Variants in MTUS1 observed in about 807,000 individuals in gnomAD.
MTUS1 encodes microtubule associated scaffold protein 1, also known as microtubule-associated tumor suppressor 1.
A neutral mutation model predicts 120.8 loss-of-function variants in MTUS1; 109 were observed. The ratio of observed to expected loss-of-function variants is 0.90; its 90% CI spans 0.77 to 1.06. The LOEUF (loss-of-function observed/expected upper bound fraction) is 1.06, where lower values mean the gene tolerates loss of function less well. Among genes scored for constraint, MTUS1 ranks in the 50% least tolerant of loss-of-function variants. MTUS1 has a pLI of 0.00. For missense variants in MTUS1, 2,210 were observed against 1,486.3 expected, an observed-to-expected ratio of 1.49 and a Z score of -8.01; for synonymous variants, 737 against 550.5, an observed-to-expected ratio of 1.34 and a Z score of -4.74.
At chr8:17,782,884 C>G (rs1015621469) in intron 1 of MTUS1, among the ~76,000 whole-genome samples, 1 of 152,162 alleles carries the variant, frequency 6.6e-6, no homozygotes, top group Non-Finnish European at 1.5e-5. Flanking sequence ...TCGGGACCAG[C>G]CTGGCCAACA....
rs1368084919 is a variant in MTUS1 at position 17,684,502 on chromosome 8, G to A, written c.2664C>T (p.Ile888=). Residue 888 remains isoleucine (I), a synonymous_variant, in exon 7 of 15, where the codon ATC becomes ATT. Coordinates refer to ENST00000693296, the MANE Select transcript of MTUS1 (RefSeq NM_001363059.2). ...GCGCATCGGGAGCTGTCTGTGGCTG[G>A]ATACATAAGCTTCGAGGATTCTTTT... ...SRQKNPRSLC[I]QPQTAPDALP... 2.5e-6 allele frequency: 4 copies of A among 1,614,132 alleles called. No individual in the cohort carries two copies. The highest frequency in any genetic ancestry group is 3.4e-6 in the Non-Finnish European group (4 of 1,180,024).
Position 17,755,832 on chromosome 8 carries a change from G to A in MTUS1, c.-25C>T. On this transcript the variant is annotated 5_prime_UTR_variant, in exon 2 of 15. Transcript: ENST00000693296. ...TCCTGAATAGTAACCTTAAACCTCT[G>A]CCATTTTATTTCTTCTTCAATTCCT... is the stretch of plus-strand genomic sequence containing the variant. The A allele has an allele frequency of 6.3e-7, 1 of 1,579,614 alleles. No homozygotes were observed. Among genetic ancestry groups the A allele is most frequent in the South Asian group, 1.2e-5 (1 of 85,156 alleles).
chr8:17,657,540 C>T (rs1808647216), intron 8 of MTUS1, among the ~76,000 whole-genome samples: 1 of 150,744 alleles, frequency 6.6e-6, no homozygotes, highest in Non-Finnish European at 1.5e-5. Context: ...TGCACTCCAG[C>T]CTGGGCGACA....
intron 1 of MTUS1, among the ~76,000 whole-genome samples, chr8:17,784,163 C>T (rs756326177): frequency 3.3e-5 from 5 of 152,078 alleles, no homozygotes; most frequent in Non-Finnish European, 7.3e-5. Flanking sequence ...ATAGCTTAGC[C>T]GTTATAGGCA....
At chr8:17,656,505 G>A (rs1017549272) in intron 8 of MTUS1, among the ~76,000 whole-genome samples, 1 of 151,058 alleles carries the variant, frequency 6.6e-6, no homozygotes, top group African/African-American at 2.4e-5. Flanking sequence ...TATAGCCGGG[G>A]TGACAGACTG....
At chr8:17,772,038 C>T (rs1469507833) in intron 1 of MTUS1, among the ~76,000 whole-genome samples, 1 of 152,174 alleles carries the variant, frequency 6.6e-6, no homozygotes, top group Non-Finnish European at 1.5e-5. Context: ...TTTAAGATGA[C>T]ACAATGATTT....
chr8:17,746,977 G>A (rs2047803160), intron 2 of MTUS1, among the ~76,000 whole-genome samples: 1 of 152,116 alleles, frequency 6.6e-6, no homozygotes, highest in African/African-American at 2.4e-5. Context: ...TTTTCCATCT[G>A]CTGTCATTTC....
intron 1 of MTUS1, among the ~76,000 whole-genome samples, chr8:17,787,652 A>G (rs758048581): frequency 6.6e-6 from 1 of 152,238 alleles, no homozygotes; most frequent in Non-Finnish European, 1.5e-5. Flanking sequence ...TCATGGACAA[A>G]AACTGATTCA....
chr8:17,731,587 T>A (rs1430404203), intron 3 of MTUS1, among the ~76,000 whole-genome samples: 1 of 152,040 alleles, frequency 6.6e-6, no homozygotes, highest in East Asian at 1.9e-4. Context: ...GACCGTCTTA[T>A]TATGCATAAA....
chr8:17,719,070 T>C (rs1204286960), intron 4 of MTUS1, among the ~76,000 whole-genome samples: 2 of 152,000 alleles, frequency 1.3e-5, no homozygotes, highest in Non-Finnish European at 2.9e-5. Context: ...CTCAGGAGGC[T>C]GAGGTGGGAG....
At chr8:17,676,108 A>C in intron 7 of MTUS1, 1 of 602,184 alleles carries the variant, frequency 1.7e-6, no homozygotes, top group Non-Finnish European at 3.0e-6. Flanking sequence ...GGATCACCCA[A>C]GACGGAGCTC....
At chr8:17,720,650 C>G (rs1254665575) in intron 4 of MTUS1, among the ~76,000 whole-genome samples, 1 of 152,164 alleles carries the variant, frequency 6.6e-6, no homozygotes, top group Non-Finnish European at 1.5e-5. Context: ...CAAAGTTATA[C>G]ACTCTCCCAA....
Position 17,646,119 on chromosome 8 carries a change from G to C in MTUS1, c.3620C>G (p.Ala1207Gly). The C allele has an allele frequency of 6.2e-7, 1 of 1,612,350 alleles. No individual in the cohort carries two copies. The highest frequency in any genetic ancestry group is 8.5e-7 in the Non-Finnish European group (1 of 1,179,492). Reference protein sequence around the residue: ...AISRQLSTEQAVLQESLEKES... With the variant: ...AISRQLSTEQGVLQESLEKES... ...CTTCTCCAGCGACTCTTGCAGAACAGCCTGCTCCGTGGAAAGCTGCCTTGA... is the reference window on the plus strand; with the variant it reads ...CTTCTCCAGCGACTCTTGCAGAACACCCTGCTCCGTGGAAAGCTGCCTTGA... Residue 1207 changes from alanine to glycine, a missense_variant, in exon 15 of 15, where the codon GCT becomes GGT. Physicochemically the swap from Ala to Gly is moderately conservative, Grantham distance 60. Transcript: ENST00000693296.
At chr8:17,744,747 T>G (rs1325043775) in intron 2 of MTUS1, among the ~76,000 whole-genome samples, 1 of 148,038 alleles carries the variant, frequency 6.8e-6, no homozygotes, top group Non-Finnish European at 1.5e-5. Flanking sequence ...GGTTTCGCCA[T>G]GTTGGTCAGG....
chr8:17,738,687 T>C (rs1171987972), intron 3 of MTUS1, among the ~76,000 whole-genome samples: 1 of 152,218 alleles, frequency 6.6e-6, no homozygotes, highest in Admixed American at 6.5e-5. Flanking sequence ...AAGCCCGGCA[T>C]GCATTAGCTA....
At chr8:17,770,032 A>ATTTCCTGCCGCACTCCATACTTT (rs2049910262) in intron 1 of MTUS1, among the ~76,000 whole-genome samples, 1 of 152,170 alleles carries the variant, frequency 6.6e-6, no homozygotes, top group Non-Finnish European at 1.5e-5. Flanking sequence ...TATAATACAT[A>ATTTCCTGCCGCACTCCATACTTT]ATAATTTCCT....
intron 1 of MTUS1, among the ~76,000 whole-genome samples, chr8:17,793,655 G>T (rs139998655): frequency 6.6e-6 from 1 of 152,160 alleles, no homozygotes; most frequent in Non-Finnish European, 1.5e-5. Context: ...GGTAACTAAA[G>T]ATTCTCATTG....
chr8:17,676,074 G>C, intron 7 of MTUS1: 1 of 572,204 alleles, frequency 1.7e-6, no homozygotes. Context: ...GAATTTCAAA[G>C]CTCGCTGAAA....
chr8:17,740,186 C>G (rs1432777675), intron 3 of MTUS1, among the ~76,000 whole-genome samples: 1 of 145,318 alleles, frequency 6.9e-6, no homozygotes, highest in Non-Finnish European at 1.5e-5. Flanking sequence ...CCAGCCTGAT[C>G]AACAGAGCGA....
Sources: allele counts gnomAD v4.1 joint callset (sites outside exome capture counted in the v4.1 genomes callset), GRCh38; gene constraint gnomAD v4.1.1; transcripts MANE v1.5; gene names NCBI Gene and HGNC (gene_info 2026-07-23, HGNC 2026-07-21).